TPGS2: variants seen among roughly 807,000 people sequenced by gnomAD.
The protein encoded by TPGS2 is tubulin polyglutamylase complex subunit 2.
Under a neutral mutation model 31.1 loss-of-function variants are expected in TPGS2, and 26 were observed. That is an observed-to-expected ratio of 0.84 (90% CI 0.61 to 1.16). The LOEUF (loss-of-function observed/expected upper bound fraction) is 1.16. TPGS2 is among the 50% of genes most tolerant of loss of function. TPGS2 has a pLI of 0.00. For synonymous variants in TPGS2, 130 were observed against 136.6 expected (o/e 0.95, Z 0.34); for missense variants, 351 against 363.8 (o/e 0.96, Z 0.29).
chr18:36,795,059 C>CAGTT lies in TPGS2; in HGVS notation c.*1742_*1745dup, dbSNP rs1240308976. The CAGTT allele has an allele frequency of 4.1e-6, 4 of 985,284 alleles. No individual in the cohort carries two copies. The highest frequency in any genetic ancestry group is 1.2e-4 in the Admixed American group (2 of 16,270). 61.0% of individuals were successfully genotyped at this position (985,284 alleles called of 1,614,324 possible). The stretch of plus-strand genomic sequence containing the variant: ...ACTATTACAAATATGGGGAAGCAGC[C>CAGTT]AGTTAGAGCTTGCCCTGATCCTTGA... On this transcript the variant is annotated 3_prime_UTR_variant, in exon 7 of 7. Transcript: ENST00000334295.
At chr18:36,820,276 T>C (rs1334523524) in intron 1 of TPGS2, among the ~76,000 whole-genome samples, 1 of 152,206 alleles carries the variant, frequency 6.6e-6, no homozygotes, top group Non-Finnish European at 1.5e-5. Flanking sequence ...CACATACAAT[T>C]ATTTACTGTT....
intron 2 of TPGS2, among the ~76,000 whole-genome samples, chr18:36,809,176 C>A (rs1244663743): frequency 6.6e-6 from 1 of 152,174 alleles, no homozygotes; most frequent in Non-Finnish European, 1.5e-5. Context: ...ACGAACACAT[C>A]ACTCTGTGAA....
At chr18:36,827,055 A>G (rs1175705462) in intron 1 of TPGS2, among the ~76,000 whole-genome samples, 1 of 151,236 alleles carries the variant, frequency 6.6e-6, no homozygotes, top group African/African-American at 2.4e-5. Context: ...CTTTTTTTTT[A>G]GTGACAGGGT....
In TPGS2 at chr18:36,816,728, C is replaced by T. The variant is rs146262309; in HGVS notation, c.165+2166G>A. 4.6e-3 allele frequency among the ~76,000 whole-genome samples: 704 copies of T among 152,332 alleles called. 5 individuals carry two copies. Among genetic ancestry groups the T allele is most frequent in the African/African-American group, 0.016 (671 of 41,582 alleles). On this transcript the variant is annotated intron_variant, in intron 2 of 6. Transcript: ENST00000334295. ...GGTTCAAGCGATTCTTCTGCCTCAA[C>T]CTCCCAAGTAGCTGGGACTACAGGC... is the stretch of plus-strand genomic sequence containing the variant.
chr18:36,795,073 C>G lies in TPGS2; in HGVS notation c.*1732G>C, dbSNP rs559933485. 1 of 985,374 alleles carries G rather than the reference C, an allele frequency of 1.0e-6. No homozygotes were observed. The highest frequency in any genetic ancestry group is 1.1e-4 in the East Asian group (1 of 8,818). 61.0% of individuals were successfully genotyped at this position (985,374 alleles called of 1,614,324 possible). Reference sequence around the variant, plus strand: ...GGGGAAGCAGCCAGTTAGAGCTTGCCCTGATCCTTGAAGGCTAACTCTTCA... The same window carrying G: ...GGGGAAGCAGCCAGTTAGAGCTTGCGCTGATCCTTGAAGGCTAACTCTTCA... On this transcript the variant is annotated 3_prime_UTR_variant, in exon 7 of 7. Transcript: ENST00000334295.
intron 3 of TPGS2, among the ~76,000 whole-genome samples, chr18:36,806,556 TA>T (rs1398529592): frequency 6.6e-6 from 1 of 151,978 alleles, no homozygotes; most frequent in Admixed American, 6.6e-5. Flanking sequence ...TAGCAAGCTA[TA>T]AAAAAGTACC....
chr18:36,797,554 A>G (rs1043139944), intron 6 of TPGS2, among the ~76,000 whole-genome samples: 2 of 148,942 alleles, frequency 1.3e-5, no homozygotes, highest in African/African-American at 2.5e-5. Context: ...AAGGGCATCC[A>G]CATTTATTTA....
At chr18:36,793,500 ATTC>A (rs2044385891), downstream of TPGS2, among the ~76,000 whole-genome samples, 3 of 152,220 alleles carry the variant, frequency 2.0e-5, no homozygotes, top group African/African-American at 7.2e-5. Context: ...GACCTATGTC[ATTC>A]ATGAAGGAGC....
chr18:36,802,988 T>C (rs2044910277), intron 4 of TPGS2, among the ~76,000 whole-genome samples: 1 of 152,144 alleles, frequency 6.6e-6, no homozygotes, highest in Non-Finnish European at 1.5e-5. Context: ...TTATTTTTAA[T>C]TGTTTTATTT....
intron 2 of TPGS2, 116 bp from the exon 3 acceptor site, chr18:36,808,050 T>C (rs1203833899): frequency 2.1e-6 from 2 of 955,136 alleles, no homozygotes; most frequent in Non-Finnish European, 3.2e-6. Context: ...ATAGGAAGGC[T>C]CTGATAGTCA....
At chr18:36,811,649 G>T (rs1275746477) in intron 2 of TPGS2, among the ~76,000 whole-genome samples, 1 of 152,200 alleles carries the variant, frequency 6.6e-6, no homozygotes, top group Non-Finnish European at 1.5e-5. Context: ...GAGATGGTGG[G>T]TGTGGTAGCC....
At chr18:36,825,390 C>T (rs571799577) in intron 1 of TPGS2, among the ~76,000 whole-genome samples, 1 of 148,692 alleles carries the variant, frequency 6.7e-6, no homozygotes, top group Non-Finnish European at 1.5e-5. Context: ...GAAGAGCACA[C>T]CACTGCACTC....
Position 36,796,988 on chromosome 18 carries a change from G to A in TPGS2, c.720C>T (p.Asp240=), listed in dbSNP as rs758807484. ...TGGGATCTAGCTTATTCACAAAGGAGTCGGTCTCTTCTGTGAGCAGGTTTG... is the reference window on the plus strand; with the variant it reads ...TGGGATCTAGCTTATTCACAAAGGAATCGGTCTCTTCTGTGAGCAGGTTTG... ...YNTNLLTEET[D]SFVNKLDPSK... The change falls in exon 7 of 7, where the codon GAC becomes GAT. Residue 240 remains aspartate (D), a synonymous_variant. Coordinates refer to ENST00000334295, the MANE Select transcript of TPGS2 (RefSeq NM_015476.4). 6.2e-7 allele frequency: 1 copy of A among 1,602,536 alleles called. No individual in the cohort carries two copies. Among genetic ancestry groups the A allele is most frequent in the Non-Finnish European group, 8.5e-7 (1 of 1,176,788 alleles).
At chr18:36,819,997 A>G (rs2045826578) in intron 1 of TPGS2, among the ~76,000 whole-genome samples, 1 of 152,192 alleles carries the variant, frequency 6.6e-6, no homozygotes, top group Non-Finnish European at 1.5e-5. Flanking sequence ...TAAAATCTCT[A>G]GGAATATGGC....
chr18:36,785,477 A>G (rs1486557484), intron 6 of TPGS2, among the ~76,000 whole-genome samples: 2 of 152,186 alleles, frequency 1.3e-5, no homozygotes, highest in East Asian at 3.9e-4. Context: ...CTTTGATGAT[A>G]GAGTCATTTC....
At chr18:36,814,634 C>T (rs1023267222) in intron 2 of TPGS2, among the ~76,000 whole-genome samples, 5 of 152,164 alleles carry the variant, frequency 3.3e-5, no homozygotes, top group Non-Finnish European at 7.4e-5. Context: ...GGGTCCAGAG[C>T]TGGCATAAGA....
rs1184885376 is a variant in TPGS2 at position 36,805,547 on chromosome 18, A to G, written c.254-45T>C. ...GGAGAATTACATGGAGTAACAGCCT[A>G]GTTACAATGGTTATCATGAGATTCT... is the stretch of plus-strand genomic sequence containing the variant. On this transcript the variant is annotated intron_variant, in intron 3 of 6. Transcript: ENST00000334295. 4 of 1,611,336 alleles carry G rather than the reference A, an allele frequency of 2.5e-6. No homozygotes were observed. The African/African-American group carries it at 5.3e-5, about 22-fold the overall frequency.
downstream of TPGS2, chr18:36,794,049 A>G (rs2044410886): frequency 5.7e-6 from 1 of 175,974 alleles, no homozygotes; most frequent in Non-Finnish European, 1.1e-5. Flanking sequence ...CCAAGTGCTC[A>G]TATTTTCATT....
chr18:36,812,315 G>C (rs953101812), intron 2 of TPGS2, among the ~76,000 whole-genome samples: 27 of 152,176 alleles, frequency 1.8e-4, no homozygotes, highest in African/African-American at 5.8e-4. Flanking sequence ...GAACAACCAA[G>C]GCAGGCAGTG....
Sources: gnomAD v4.1 joint callset for allele counts (sites outside exome capture counted in the v4.1 genomes callset) on GRCh38, gnomAD v4.1.1 for gene constraint, MANE v1.5 for transcripts, NCBI Gene and HGNC (gene_info 2026-07-23, HGNC 2026-07-21) for gene names.